Variants in IL1RAP observed in about 807,000 individuals in gnomAD.
The protein encoded by IL1RAP is interleukin 1 receptor accessory protein, also known as interleukin-1 receptor accessory protein.
IL1RAP carries 35 observed loss-of-function variants against 60.7 expected under a neutral mutation model. The ratio of observed to expected loss-of-function variants is 0.58; its 90% CI spans 0.44 to 0.76. The LOEUF is 0.76. IL1RAP is among the 30% of genes least tolerant of loss of function. The pLI, the probability that IL1RAP is intolerant of heterozygous loss-of-function variation, is 0.00. For missense variants in IL1RAP, 572 were observed against 693.9 expected (o/e 0.82, Z 1.97); for synonymous variants, 268 against 250.9 (o/e 1.07, Z -0.64).
At chr3:190,621,993 G>A (rs563430241) in intron 6 of IL1RAP, among the ~76,000 whole-genome samples, 3 of 143,864 alleles carry the variant, frequency 2.1e-5, no homozygotes, top group Non-Finnish European at 4.5e-5. Context: ...CATTCAACTG[G>A]TAACTAGTCA....
At chr3:190,533,775 T>C (rs1331750576) in intron 1 of IL1RAP, among the ~76,000 whole-genome samples, 3 of 152,008 alleles carry the variant, frequency 2.0e-5, no homozygotes, top group Admixed American at 2.0e-4. Flanking sequence ...AGGCCAAACC[T>C]CTTACAGGAA....
At chr3:190,576,566 G>A (rs1292192701) in intron 3 of IL1RAP, among the ~76,000 whole-genome samples, 1 of 152,038 alleles carries the variant, frequency 6.6e-6, no homozygotes, top group African/African-American at 2.4e-5. Context: ...CATCAGTCTG[G>A]CAGAGATTAA....
intron 9 of IL1RAP, chr3:190,629,748 G>A (rs749943935): frequency 3.0e-4 from 354 of 1,186,150 alleles, no homozygotes; most frequent in Non-Finnish European, 3.6e-4. Flanking sequence ...TGAGTACAGT[G>A]AGACACAATT....
At chr3:190,656,321 C>G (rs1734618464), downstream of IL1RAP, 4 of 1,537,208 alleles carry the variant, frequency 2.6e-6, no homozygotes, top group East Asian at 9.8e-5. Context: ...GCAGGTAGCC[C>G]TCCAGCCCCA....
At chr3:190,638,431 A>G (rs537552881) in intron 9 of IL1RAP, among the ~76,000 whole-genome samples, 1 of 152,250 alleles carries the variant, frequency 6.6e-6, no homozygotes, top group African/African-American at 2.4e-5. Context: ...GTGACTGTTC[A>G]AACATTTTGT....
At chr3:190,621,520 T>C (rs1413211329) in intron 6 of IL1RAP, among the ~76,000 whole-genome samples, 1 of 152,226 alleles carries the variant, frequency 6.6e-6, no homozygotes, top group East Asian at 1.9e-4. Context: ...CTTAAAAGTA[T>C]GCATTTTGGG....
exon 12 of IL1RAP, chr3:190,657,207 T>C (rs191265982): frequency 6.6e-6 from 1 of 152,368 alleles, no homozygotes; most frequent in East Asian, 1.9e-4. Flanking sequence ...ATTTTATTTG[T>C]ACTAACAAAT....
chr3:190,621,808 C>T (rs1175534468), intron 6 of IL1RAP, among the ~76,000 whole-genome samples: 1 of 141,572 alleles, frequency 7.1e-6, no homozygotes, highest in Non-Finnish European at 1.5e-5. Context: ...AACCAAGTAA[C>T]TTTGCTTTTG....
At chr3:190,578,344 T>C (rs575056401) in intron 3 of IL1RAP, among the ~76,000 whole-genome samples, 3 of 152,292 alleles carry the variant, frequency 2.0e-5, no homozygotes, top group African/African-American at 7.2e-5. Context: ...CAAGAGGCAA[T>C]TGTGACAGGT....
intron 3 of IL1RAP, 29 bp from the exon 4 acceptor site, chr3:190,604,099 C>T (rs1482933227): frequency 3.7e-6 from 6 of 1,602,410 alleles, no homozygotes; most frequent in Admixed American, 1.7e-5. Flanking sequence ...GACTCATCTG[C>T]CCCTTTCTTT....
downstream of IL1RAP, among the ~76,000 whole-genome samples, chr3:190,655,285 A>T (rs539153233): frequency 1.3e-5 from 2 of 152,324 alleles, no homozygotes; most frequent in South Asian, 4.1e-4. Context: ...TCCAGAGGAA[A>T]ATGGTAAACA....
intron 4 of IL1RAP, among the ~76,000 whole-genome samples, chr3:190,605,951 C>G (rs1452158949): frequency 1.3e-5 from 2 of 152,100 alleles, no homozygotes; most frequent in African/African-American, 2.4e-5. Flanking sequence ...TGTTTTTTCT[C>G]TCATGGAGAG....
intron 1 of IL1RAP, chr3:190,518,169 C>T (rs936026550): frequency 6.6e-6 from 1 of 151,290 alleles, no homozygotes; most frequent in South Asian, 2.1e-4. Flanking sequence ...TTCTAACTCT[C>T]TGTAGCAGCT....
At chr3:190,629,886 A>G (rs1732635936) in intron 9 of IL1RAP, 3 of 977,502 alleles carry the variant, frequency 3.1e-6, no homozygotes, top group Non-Finnish European at 3.7e-6. Context: ...CATTCATGGT[A>G]GACTTCAAGA....
At chr3:190,553,311 A>C (rs1725034942) in intron 1 of IL1RAP, among the ~76,000 whole-genome samples, 1 of 152,240 alleles carries the variant, frequency 6.6e-6, no homozygotes, top group Non-Finnish European at 1.5e-5. Context: ...AGAGAATATA[A>C]ACATTGATCC....
At chr3:190,617,351 C>T (rs1162949561) in intron 5 of IL1RAP, among the ~76,000 whole-genome samples, 1 of 152,212 alleles carries the variant, frequency 6.6e-6, no homozygotes, top group Non-Finnish European at 1.5e-5. Context: ...CCCTTCCCCT[C>T]CCCACATGAT....
intron 10 of IL1RAP, among the ~76,000 whole-genome samples, 165 bp from the exon 11 acceptor site, chr3:190,645,533 CA>C (rs1404594731): frequency 4.6e-5 from 7 of 152,162 alleles, no homozygotes; most frequent in African/African-American, 1.7e-4. Context: ...TTCAAAATTA[CA>C]TCTTCAAATA....
downstream of IL1RAP, among the ~76,000 whole-genome samples, chr3:190,652,098 T>A (rs1325512506): frequency 1.3e-5 from 2 of 152,124 alleles, no homozygotes; most frequent in Non-Finnish European, 2.9e-5. Context: ...CAGTGATTAA[T>A]ATTTGGAAAC....
chr3:190,633,233 T>G (rs1732935560), intron 9 of IL1RAP, among the ~76,000 whole-genome samples: 1 of 152,226 alleles, frequency 6.6e-6, no homozygotes, highest in South Asian at 2.1e-4. Context: ...AATATATCTC[T>G]CCATTTATTT....
Sources: allele counts gnomAD v4.1 joint callset (sites outside exome capture counted in the v4.1 genomes callset), GRCh38; gene constraint gnomAD v4.1.1; transcripts MANE v1.5; gene names NCBI Gene and HGNC (gene_info 2026-07-23, HGNC 2026-07-21).